DEPTOR: variants seen among roughly 807,000 people sequenced by gnomAD.
DEPTOR encodes the protein DEP domain-containing mTOR-interacting protein.
In DEPTOR, 41 loss-of-function variants were observed where a neutral mutation model predicts 41.6. The observed-to-expected ratio is 0.98, with a 90% CI of 0.77 to 1.28. The LOEUF (loss-of-function observed/expected upper bound fraction) is 1.28. Among genes scored for constraint, DEPTOR ranks in the 50% most tolerant of loss-of-function variants. The pLI, the probability that DEPTOR is intolerant of heterozygous loss-of-function variation, is 0.00. For missense variants in DEPTOR, 514 were observed against 527.9 expected (o/e 0.97, Z 0.26); for synonymous variants, 195 against 192.3 (o/e 1.01, Z -0.12).
intron 3 of DEPTOR, among the ~76,000 whole-genome samples, chr8:119,937,837 G>A (rs377331333): frequency 2.5e-4 from 38 of 152,192 alleles, no homozygotes; most frequent in African/African-American, 8.9e-4. Context: ...ACCTGCACAT[G>A]CAGTGGGCTG....
At chr8:119,940,655 A>G (rs926095688) in intron 3 of DEPTOR, among the ~76,000 whole-genome samples, 5 of 152,078 alleles carry the variant, frequency 3.3e-5, no homozygotes, top group Non-Finnish European at 7.4e-5. Flanking sequence ...CTGAGGCAGG[A>G]CAATCACTTG....
intron 1 of DEPTOR, among the ~76,000 whole-genome samples, chr8:119,911,205 G>A (rs1352819446): frequency 1.3e-5 from 2 of 151,960 alleles, no homozygotes; most frequent in African/African-American, 4.8e-5. Flanking sequence ...ATTGTCTCCT[G>A]GAGTGCCCTG....
Position 120,029,028 on chromosome 8 carries a change from G to A in DEPTOR, c.1101+19895G>A, listed in dbSNP as rs181991704. The stretch of plus-strand genomic sequence containing the variant: ...GCAGAGGTTGTAGTGAGCTGAGATC[G>A]CGCCATTGCACTCCAGCCTGGGCAA... On this transcript the variant is annotated intron_variant, in intron 8 of 8. Transcript: ENST00000286234. Among the ~76,000 whole-genome samples, 998 of 151,276 alleles carry A rather than the reference G, an allele frequency of 6.6e-3. 12 individuals are homozygous for A. Among genetic ancestry groups the A allele is most frequent in the African/African-American group, 0.023 (968 of 41,224 alleles).
At chr8:119,896,865 G>A (rs952419573) in intron 1 of DEPTOR, among the ~76,000 whole-genome samples, 5 of 152,002 alleles carry the variant, frequency 3.3e-5, no homozygotes, top group African/African-American at 9.7e-5. Context: ...GATAATAATT[G>A]TGTCAACTAC....
chr8:120,008,242 G>A (rs1812475449), intron 7 of DEPTOR, among the ~76,000 whole-genome samples: 1 of 152,068 alleles, frequency 6.6e-6, no homozygotes, highest in South Asian at 2.1e-4. Context: ...GGCTCCCTTG[G>A]TGGAGGCTGG....
At chr8:119,991,463 G>A (rs1812172144) in intron 4 of DEPTOR, among the ~76,000 whole-genome samples, 1 of 152,188 alleles carries the variant, frequency 6.6e-6, no homozygotes, top group Non-Finnish European at 1.5e-5. Context: ...TTACAGGCGT[G>A]TGCCACCACA....
chr8:120,044,069 A>G (rs1291725419), intron 8 of DEPTOR, among the ~76,000 whole-genome samples: 3 of 147,876 alleles, frequency 2.0e-5, no homozygotes, highest in Non-Finnish European at 4.4e-5. Flanking sequence ...CAGCTAGCCT[A>G]ACAAAAAAAA....
At chr8:120,008,464 G>A (rs1449113454) in intron 7 of DEPTOR, among the ~76,000 whole-genome samples, 1 of 143,132 alleles carries the variant, frequency 7.0e-6, no homozygotes, top group Non-Finnish European at 1.5e-5. Context: ...GGGAGGTGGG[G>A]TTGCAGTGAG....
In DEPTOR at chr8:119,911,151, A is replaced by G. The variant is rs1325760136; in HGVS notation, c.123-17249A>G. On this transcript the variant is annotated intron_variant, in intron 1 of 8. Transcript: ENST00000286234. ...GACCAGATACCGTGGCCTTCTATCA[A>G]TTTCCCTGCTAGCTAATGCTCTGAC... Among the ~76,000 whole-genome samples, 6 of 151,822 alleles carry G rather than the reference A, an allele frequency of 4.0e-5. No individual in the cohort carries two copies. In the East Asian group the frequency reaches 5.8e-4, roughly 15 times the overall value.
At chr8:119,968,215 AATCCTTTT>A in intron 4 of DEPTOR, among the ~76,000 whole-genome samples, 1 of 152,210 alleles carries the variant, frequency 6.6e-6, no homozygotes, top group East Asian at 1.9e-4. Flanking sequence ...GCACTGTGCT[AATCCTTTT>A]ACCCTTATTA....
intron 3 of DEPTOR, among the ~76,000 whole-genome samples, chr8:119,934,561 G>T (rs1423531761): frequency 6.6e-6 from 1 of 152,184 alleles, no homozygotes; most frequent in East Asian, 1.9e-4. Context: ...TGGAGATAAG[G>T]CTGGGACCCA....
chr8:119,931,266 G>T (rs1828040258), intron 3 of DEPTOR, among the ~76,000 whole-genome samples: 1 of 152,068 alleles, frequency 6.6e-6, no homozygotes, highest in Non-Finnish European at 1.5e-5. Context: ...TTGTACAGTG[G>T]TTGGGGGTAA....
chr8:119,996,061 C>T (rs1203645315), intron 4 of DEPTOR, among the ~76,000 whole-genome samples: 3 of 152,302 alleles, frequency 2.0e-5, no homozygotes, highest in South Asian at 2.1e-4. Flanking sequence ...GCAAGTGATA[C>T]ATACAATTGT....
intron 3 of DEPTOR, among the ~76,000 whole-genome samples, chr8:119,940,664 T>C (rs902750072): frequency 3.3e-5 from 5 of 152,022 alleles, no homozygotes; most frequent in Admixed American, 1.3e-4. Flanking sequence ...GACAATCACT[T>C]GAACCCGGGA....
At chr8:120,008,639 G>A (rs1812485239) in intron 7 of DEPTOR, among the ~76,000 whole-genome samples, 1 of 151,942 alleles carries the variant, frequency 6.6e-6, no homozygotes, top group Non-Finnish European at 1.5e-5. Flanking sequence ...TTTGGATACT[G>A]GGGAAAAGAA....
chr8:120,001,644 C>T lies in DEPTOR; in HGVS notation c.724C>T (p.His242Tyr). The T allele has an allele frequency of 6.2e-7, 1 of 1,614,088 alleles. No individual in the cohort carries two copies. The highest frequency in any genetic ancestry group is 8.5e-7 in the Non-Finnish European group (1 of 1,180,010). ...AAAGTCCCCCTCCTCCCAGGAAACT[C>T]ATGACAGTCCCTTCTGCCTGAGGAA... ...NEKSPSSQETHDSPFCLRKQS... is the reference protein window; with the variant it reads ...NEKSPSSQETYDSPFCLRKQS... Residue 242 changes from histidine (H) to tyrosine (Y), a missense_variant, in exon 5 of 9, where the codon CAT (histidine) becomes TAT (tyrosine). Physicochemically the swap from His to Tyr is moderately conservative, Grantham distance 83. Coordinates refer to ENST00000286234, the MANE Select transcript of DEPTOR (RefSeq NM_022783.4).
chr8:119,948,487 A>G (rs1429449722), intron 3 of DEPTOR, among the ~76,000 whole-genome samples: 2 of 152,062 alleles, frequency 1.3e-5, no homozygotes, highest in Non-Finnish European at 2.9e-5. Context: ...GAATGAACAA[A>G]TGAAAGTACT....
At chr8:119,887,771 C>T (rs769988854) in intron 1 of DEPTOR, among the ~76,000 whole-genome samples, 11 of 151,584 alleles carry the variant, frequency 7.3e-5, no homozygotes, top group Non-Finnish European at 1.5e-4. Flanking sequence ...TCCCCAAGTG[C>T]TAGGATTACA....
chr8:120,017,114 G>A (rs1368667923), intron 8 of DEPTOR, among the ~76,000 whole-genome samples: 3 of 152,104 alleles, frequency 2.0e-5, no homozygotes, highest in South Asian at 4.1e-4. Flanking sequence ...CTTTTAGTAC[G>A]TGCTGGAAGC....
Sources: allele counts gnomAD v4.1 joint callset (sites outside exome capture counted in the v4.1 genomes callset), GRCh38; gene constraint gnomAD v4.1.1; transcripts MANE v1.5; gene names NCBI Gene and HGNC (gene_info 2026-07-23, HGNC 2026-07-21).